DST: variants seen among roughly 807,000 people sequenced by gnomAD.
The protein encoded by DST is dystonin.
In DST, 253 loss-of-function variants were observed where a neutral mutation model predicts 875.2. The ratio of observed to expected loss-of-function variants is 0.29; its 90% CI spans 0.26 to 0.32. The LOEUF (loss-of-function observed/expected upper bound fraction) is 0.32. Ranked by LOEUF, DST falls within the 10% of genes least tolerant of loss-of-function variation. DST has a pLI of 1.00. For missense variants in DST, 8,287 were observed against 9,111.6 expected (o/e 0.91, Z 3.68); for synonymous variants, 3,124 against 3,197.1 (o/e 0.98, Z 0.77).
In DST at chr6:56,555,558, C is replaced by A. The variant is rs763744714; in HGVS notation, c.14923G>T (p.Ala4975Ser). 4 of 1,613,986 alleles carry A rather than the reference C, an allele frequency of 2.5e-6. No homozygotes were observed. Among genetic ancestry groups the A allele is most frequent in the Non-Finnish European group, 3.4e-6 (4 of 1,179,898 alleles). ...ATAGCATCAGGGTGCGTGCTCACAG[C>A]CAGACTGCTGCTGAGTTTATTATCC... ...DLDNKLSSSL[A>S]VSTHPDAMNQ... Residue 4975 changes from alanine to serine, a missense_variant, in exon 60 of 104, where the codon GCT becomes TCT. Transcript: ENST00000680361.
At chr6:56,938,108 C>CTCTCTCTCTATATATATATATATA (rs1383243392) in intron 2 of DST, among the ~76,000 whole-genome samples, 11 of 120,744 alleles carry the variant, frequency 9.1e-5, no homozygotes, top group African/African-American at 3.8e-4. Flanking sequence ...CTCTCTCTCT[C>CTCTCTCTCTATATATATATATATA]TATATATATA....
intron 8 of DST, among the ~76,000 whole-genome samples, chr6:56,700,886 G>A (rs1448592269): frequency 6.6e-6 from 1 of 151,534 alleles, no homozygotes; most frequent in African/African-American, 2.4e-5. Context: ...TATTTAATAG[G>A]GAAAAGCATT....
chr6:56,488,876 G>A (rs1295920130), intron 86 of DST, among the ~76,000 whole-genome samples: 2 of 152,040 alleles, frequency 1.3e-5, no homozygotes, highest in Non-Finnish European at 2.9e-5. Context: ...ATGTCATGTG[G>A]AAGATATAAA....
chr6:56,603,210 C>T lies in DST; in HGVS notation c.11152G>A (p.Glu3718Lys), dbSNP rs770848545. ...TKQIMLAIDSEMSKLAVSHEE... is the reference protein window; with the variant it reads ...TKQIMLAIDSKMSKLAVSHEE... ...TTTTGACATTTTATGCCTACCATTTCAGAGTCGATCGCAAGCATGATCTGT... is the reference window on the plus strand; with the variant it reads ...TTTTGACATTTTATGCCTACCATTTTAGAGTCGATCGCAAGCATGATCTGT... The change falls in exon 42 of 104, where the codon GAA (glutamate) becomes AAA (lysine). Residue 3718 changes from glutamate (E) to lysine (K), a missense_variant. Around this residue, in one of 10 missense-constraint regions of DST, gnomAD observed 3,138 missense variants for 3,116.6 expected, o/e 1.01. Transcript: ENST00000680361. 9 of 1,597,604 alleles carry T rather than the reference C, an allele frequency of 5.6e-6. No individual in the cohort carries two copies. In the African/African-American group the frequency reaches 1.2e-4, roughly 21 times the overall value.
chr6:56,761,586 C>A (rs2099617263), intron 4 of DST, among the ~76,000 whole-genome samples: 1 of 152,094 alleles, frequency 6.6e-6, no homozygotes, highest in African/African-American at 2.4e-5. Flanking sequence ...TGGTTCTCAG[C>A]CCTTCTCAAC....
Position 56,653,991 on chromosome 6 carries a change from C to T in DST, c.1215-2747G>A, listed in dbSNP as rs568052689. On this transcript the variant is annotated intron_variant, in intron 10 of 103. Transcript: ENST00000680361. The stretch of plus-strand genomic sequence containing the variant: ...GTAACATCTTTTTGTGGAATGTTAA[C>T]AGGAAATGTCATTTCCATCTTAGGT... 4.1e-3 allele frequency among the ~76,000 whole-genome samples: 630 copies of T among 152,284 alleles called. 2 individuals carry two copies. Among genetic ancestry groups the T allele is most frequent in the Non-Finnish European group, 6.3e-3 (429 of 68,016 alleles).
At position 56,616,584 on chromosome 6, in the gene DST, G is replaced by C. The variant is rs765477193; in HGVS notation, c.4930-2100C>G. On this transcript the variant is annotated intron_variant, in intron 36 of 103. Transcript: ENST00000680361. ...TAATACAGAGCTTGCTTGTTATTGG[G>C]ATTAGGGAAAACTCTTGTGTTGCTG... The C allele has an allele frequency of 1.2e-6, 2 of 1,614,122 alleles. No homozygotes were observed. The highest frequency in any genetic ancestry group is 3.3e-5 in the Admixed American group (2 of 60,002).
At position 56,670,631 on chromosome 6, in the gene DST, A is replaced by G. The variant is rs1228431942; in HGVS notation, c.1214+10T>C. 3 of 1,513,472 alleles carry G rather than the reference A, an allele frequency of 2.0e-6. No individual in the cohort carries two copies. The highest frequency in any genetic ancestry group is 1.8e-6 in the Non-Finnish European group (2 of 1,128,504). 93.8% of individuals were successfully genotyped at this position (1,513,472 alleles called of 1,614,324 possible). On this transcript the variant is annotated intron_variant, in intron 10 of 103. Transcript: ENST00000680361. The stretch of plus-strand genomic sequence containing the variant: ...CAGTTGTATAAGGAAAAAATACACA[A>G]ATTCCATACCTGTATTTATGAATGA...
intron 15 of DST, 24 bp from the exon 16 acceptor site, chr6:56,642,527 T>C (rs760594559): frequency 9.3e-6 from 15 of 1,609,758 alleles, no homozygotes; most frequent in Non-Finnish European, 1.3e-5. Flanking sequence ...CAAAATAAAA[T>C]AAAGCTTCTC....
intron 75 of DST, among the ~76,000 whole-genome samples, chr6:56,507,065 T>TA (rs2096339734): frequency 6.6e-6 from 1 of 152,168 alleles, no homozygotes; most frequent in East Asian, 1.9e-4. Flanking sequence ...TTTTTAAAAA[T>TA]ATCAACAATA....
At chr6:56,497,291 T>C (rs991094224) in intron 82 of DST, 88 bp downstream of exon 82, 1 of 1,464,532 alleles carries the variant, frequency 6.8e-7, no homozygotes, top group Non-Finnish European at 9.3e-7. Flanking sequence ...TTTAAAGCCT[T>C]CTCCCACGAT....
At chr6:56,494,606 C>T (rs778838747) in intron 82 of DST, among the ~76,000 whole-genome samples, 5 of 152,070 alleles carry the variant, frequency 3.3e-5, no homozygotes, top group Middle Eastern at 3.4e-3. Context: ...TTCATTGGTA[C>T]GATTTAATTC....
intron 4 of DST, among the ~76,000 whole-genome samples, chr6:56,773,054 G>A (rs562952089): frequency 6.6e-6 from 1 of 152,226 alleles, no homozygotes; most frequent in African/African-American, 2.4e-5. Context: ...CAACAAGCAT[G>A]TGAGTAAGCC....
intron 47 of DST, among the ~76,000 whole-genome samples, chr6:56,596,119 T>C (rs1247264811): frequency 6.6e-6 from 1 of 152,040 alleles, no homozygotes; most frequent in Admixed American, 6.6e-5. Context: ...ACCTCTGTTT[T>C]CTGGGTTCCA....
At chr6:56,555,269 T>G (rs1288162160) in intron 60 of DST, 76 bp downstream of exon 60, 1 of 1,472,660 alleles carries the variant, frequency 6.8e-7, no homozygotes, top group African/African-American at 1.4e-5. Flanking sequence ...CCTGGATTAT[T>G]GGCAACATCT....
chr6:56,606,841 T>G lies in DST; in HGVS notation c.7787A>C (p.Asn2596Thr), dbSNP rs1192908458. The G allele has an allele frequency of 6.2e-7, 1 of 1,612,728 alleles. No homozygotes were observed. The highest frequency in any genetic ancestry group is 8.5e-7 in the Non-Finnish European group (1 of 1,179,016). ...TGTTCCTGTGTTATTCTGCTGATCA[T>G]TCAGCAGTGACGTTTCATAGTCACT... ...SASDYETSLL[N>T]DQQNNTGTDT... The change falls in exon 40 of 104, where the codon AAT (asparagine) becomes ACT (threonine). Residue 2596 changes from asparagine to threonine, a missense_variant. Physicochemically the swap from Asn to Thr is moderately conservative, Grantham distance 65. Around this residue, in one of 10 missense-constraint regions of DST, gnomAD observed 3,138 missense variants for 3,116.6 expected, o/e 1.01. Transcript: ENST00000680361.
chr6:56,739,607 T>C (rs2099538891), intron 4 of DST, among the ~76,000 whole-genome samples: 1 of 152,066 alleles, frequency 6.6e-6, no homozygotes, highest in Non-Finnish European at 1.5e-5. Flanking sequence ...AAGTCACAGG[T>C]TGAGATAGGA....
At chr6:56,766,918 T>C (rs889850651) in intron 4 of DST, among the ~76,000 whole-genome samples, 3 of 152,330 alleles carry the variant, frequency 2.0e-5, no homozygotes, top group Admixed American at 2.0e-4. Context: ...GCTTTAAAAA[T>C]CTAATGAGTC....
intron 9 of DST, among the ~76,000 whole-genome samples, chr6:56,681,662 G>C (rs1218721393): frequency 6.6e-6 from 1 of 152,226 alleles, no homozygotes; most frequent in Admixed American, 6.5e-5. Context: ...AGTATATCCT[G>C]AAAGATAATG....
Sources: gnomAD v4.1 joint callset for allele counts (sites outside exome capture counted in the v4.1 genomes callset) on GRCh38, gnomAD v4.1.1 for gene constraint, gnomAD v4.1.1 regional missense constraint, MANE v1.5 for transcripts, NCBI Gene and HGNC (gene_info 2026-07-23, HGNC 2026-07-21) for gene names.